TSC2: variants seen among roughly 807,000 people sequenced by gnomAD.
The protein encoded by TSC2 is TSC complex subunit 2.
TSC2 carries 29 observed loss-of-function variants against 202.2 expected under a neutral mutation model. That is an observed-to-expected ratio of 0.14 (90% CI 0.11 to 0.20). The LOEUF is 0.20. Ranked by LOEUF, TSC2 falls within the 10% of genes least tolerant of loss-of-function variation. The probability of loss-of-function intolerance (pLI) is 1.00; values close to 1 mark genes in which losing one functional copy is unlikely to be tolerated. For synonymous variants in TSC2, 1,349 were observed against 1,044.0 expected (o/e 1.29, Z -5.63); for missense variants, 2,429 against 2,420.0 (o/e 1.00, Z -0.08).
At chr16:2,075,444 G>A (rs1483584343) in intron 22 of TSC2, among the ~76,000 whole-genome samples, 4 of 142,286 alleles carry the variant, frequency 2.8e-5, no homozygotes, top group South Asian at 2.3e-4. Context: ...GGAGAATGGC[G>A]TGAACCCAGG....
In TSC2 at chr16:2,088,895, A is replaced by C; in HGVS notation, c.*285A>C. 2 of 427,136 alleles carry C rather than the reference A, an allele frequency of 4.7e-6. No homozygotes were observed. The highest frequency in any genetic ancestry group is 8.7e-6 in the Non-Finnish European group (2 of 230,238). The allele number at this position is 427,136 out of a possible 1,614,324, so 26.5% of individuals were successfully genotyped here. ...CGTGCGCGCGCGCACACACACACAC[A>C]CACAGTCACCTTCCTCCACCCTGGG... On this transcript the variant is annotated 3_prime_UTR_variant, in exon 42 of 42. Transcript: ENST00000219476.
At chr16:2,065,781 C>T in intron 16 of TSC2, 146 bp downstream of exon 16, 2 of 726,768 alleles carry the variant, frequency 2.8e-6, no homozygotes, top group Non-Finnish European at 4.9e-6. Flanking sequence ...CAGCAGGCAG[C>T]AGAACCTTCC....
intron 37 of TSC2, 111 bp downstream of exon 37, chr16:2,086,490 C>T (rs2090812004): frequency 1.4e-6 from 2 of 1,477,242 alleles, no homozygotes; most frequent in South Asian, 1.2e-5. Flanking sequence ...CCACCTGCTC[C>T]AGCTCCCCAC....
chr16:2,087,963 C>G (rs760054916), intron 39 of TSC2, 22 bp downstream of exon 39: 1 of 1,612,464 alleles, frequency 6.2e-7, no homozygotes. Context: ...TGGGGCCCTG[C>G]AGTGCAGGAA....
chr16:2,086,205 C>T lies in TSC2; in HGVS notation c.4675C>T (p.Leu1559Phe), dbSNP rs1327797297. The stretch of plus-strand genomic sequence containing the variant: ...CCTCTCCCCACAGAGCAACAGCGAG[C>T]TCGCCATCCTGTCCAATGAGCATGG... Reference protein sequence around the residue: ...YVGEGQSNSELAILSNEHGSY... With the variant: ...YVGEGQSNSEFAILSNEHGSY... Residue 1559 changes from leucine to phenylalanine, a missense_variant, in exon 37 of 42, where the codon CTC becomes TTC. Physicochemically the swap from Leu to Phe is conservative, Grantham distance 22. Coordinates refer to ENST00000219476, the MANE Select transcript of TSC2 (RefSeq NM_000548.5). The T allele has an allele frequency of 1.2e-6, 2 of 1,612,584 alleles. No individual in the cohort carries two copies. Among genetic ancestry groups the T allele is most frequent in the Non-Finnish European group, 1.7e-6 (2 of 1,179,864 alleles).
chr16:2,050,285 T>G, intron 2 of TSC2, 115 bp from the exon 3 acceptor site: 3 of 1,018,242 alleles, frequency 2.9e-6, no homozygotes, highest in South Asian at 2.7e-5. Context: ...GAAAGATCTG[T>G]TTTAAGTCTC....
Position 2,055,239 on chromosome 16 carries a change from G to A in TSC2, c.482-163G>A, listed in dbSNP as rs1596269428. 1.4e-5 allele frequency: 10 copies of A among 708,454 alleles called. No homozygotes were observed. The East Asian group carries it at 2.6e-4, about 19-fold the overall frequency. 43.9% of individuals were successfully genotyped at this position (708,454 alleles called of 1,614,324 possible). A position where few individuals can be genotyped will look rare whatever the true frequency, so the allele number is the denominator to read the frequency against. Reference sequence around the variant, plus strand: ...GCCGGCCTGCCCTGGGCTCCCCTGAGCCTCTTCGGGCCCAGTGCGTGGTCT... The same window carrying A: ...GCCGGCCTGCCCTGGGCTCCCCTGAACCTCTTCGGGCCCAGTGCGTGGTCT... On this transcript the variant is annotated intron_variant, in intron 5 of 41. Transcript: ENST00000219476.
Position 2,082,743 on chromosome 16 carries a change from C to T in TSC2, c.3883+239C>T. ...CCCACGCTGTGCGAGCACTCCCGGC[C>T]CAGCTTCAGGCCTGAGGGGTGGGGG... On this transcript the variant is annotated intron_variant, in intron 32 of 41. Coordinates refer to ENST00000219476, the MANE Select transcript of TSC2 (RefSeq NM_000548.5). 6.6e-6 allele frequency: 4 copies of T among 603,862 alleles called. No individual in the cohort carries two copies. The South Asian group carries it at 7.6e-5, about 11-fold the overall frequency. 37.4% of individuals were successfully genotyped at this position (603,862 alleles called of 1,614,324 possible). A position where few individuals can be genotyped will look rare whatever the true frequency, so the allele number is the denominator to read the frequency against.
intron 14 of TSC2, chr16:2,064,030 CTG>C: frequency 1.7e-6 from 1 of 595,312 alleles, no homozygotes; most frequent in Admixed American, 2.8e-5. Context: ...GGCCCCGTGT[CTG>C]TGCCCGGCCG....
At chr16:2,064,088 C>T in intron 14 of TSC2, 184 bp from the exon 15 acceptor site, 1 of 877,616 alleles carries the variant, frequency 1.1e-6, no homozygotes, top group Non-Finnish European at 1.8e-6. Context: ...TGGACAGGAT[C>T]CCTGGAAGGG....
At chr16:2,054,514 G>A (rs913175593) in intron 5 of TSC2, 74 bp downstream of exon 5, 169 of 1,604,432 alleles carry the variant, frequency 1.1e-4, no homozygotes, top group South Asian at 4.0e-4. Flanking sequence ...AGGACCTGGG[G>A]CTGGGGAGGG....
chr16:2,085,119 G>C, intron 35 of TSC2, 93 bp downstream of exon 35: 1 of 1,603,450 alleles, frequency 6.2e-7, no homozygotes, highest in Non-Finnish European at 8.5e-7. Context: ...GCTCAGGCTT[G>C]CAGAGGGCTC....
chr16:2,073,416 C>A (rs1231963892), intron 21 of TSC2, among the ~76,000 whole-genome samples: 1 of 152,246 alleles, frequency 6.6e-6, no homozygotes, highest in Non-Finnish European at 1.5e-5. Flanking sequence ...CGCCCCCGTC[C>A]CAGTCGCATT....
chr16:2,058,847 A>T lies in TSC2; in HGVS notation c.949A>T (p.Thr317Ser), dbSNP rs2151109271. ...GCTCTATTCTCTCAGGAACTCGCCG[A>T]CATCTGTGTTGCCATCATTTTACCA... ...HRLYSLRNSP[T>S]SVLPSFYQAM... is the part of the protein sequence containing the mutation. The change falls in exon 10 of 42, where the codon ACA (threonine) becomes TCA (serine). Residue 317 changes from threonine to serine, a missense_variant. By Grantham distance (58) the Thr-to-Ser change is moderately conservative. Transcript: ENST00000219476. 1 of 1,607,848 alleles carries T rather than the reference A, an allele frequency of 6.2e-7. No homozygotes were observed. Among genetic ancestry groups the T allele is most frequent in the African/African-American group, 1.3e-5 (1 of 75,004 alleles).
intron 20 of TSC2, 28 bp downstream of exon 20, chr16:2,072,391 G>A (rs2151320668): frequency 6.2e-7 from 1 of 1,602,320 alleles, no homozygotes; most frequent in Non-Finnish European, 8.5e-7. Flanking sequence ...GGGTTGGGGT[G>A]GGGGACCCAG....
chr16:2,072,208 A>G (rs763676516), intron 19 of TSC2, 33 bp from the exon 20 acceptor site: 7 of 1,613,314 alleles, frequency 4.3e-6, no homozygotes, highest in Non-Finnish European at 5.9e-6. Context: ...TAGGGTCCAG[A>G]AGGCCCTGTC....
chr16:2,061,809 T>C, intron 11 of TSC2, 62 bp from the exon 12 acceptor site: 8 of 1,613,178 alleles, frequency 5.0e-6, no homozygotes, highest in African/African-American at 1.3e-5. Flanking sequence ...TAGCGAGGCC[T>C]CTGGTGCCAA....
At chr16:2,087,408 C>G (rs1219662979) in intron 38 of TSC2, among the ~76,000 whole-genome samples, 1 of 151,828 alleles carries the variant, frequency 6.6e-6, no homozygotes, top group Non-Finnish European at 1.5e-5. Context: ...GAACCAAAAC[C>G]CCGGGGCTGG....
chr16:2,070,157 C>T (rs1202231159), intron 16 of TSC2, among the ~76,000 whole-genome samples: 3 of 152,160 alleles, frequency 2.0e-5, no homozygotes, highest in Non-Finnish European at 4.4e-5. Flanking sequence ...TGGGATCGCC[C>T]TGCAGCACAC....
Sources: gnomAD v4.1 joint callset for allele counts (sites outside exome capture counted in the v4.1 genomes callset) on GRCh38, gnomAD v4.1.1 for gene constraint, MANE v1.5 for transcripts, NCBI Gene and HGNC (gene_info 2026-07-23, HGNC 2026-07-21) for gene names.